The following ESR1 variants were observed in gnomAD, a reference collection of about 807,000 sequenced individuals.
ESR1 encodes estrogen receptor.
In ESR1, 12 loss-of-function variants were observed where a neutral mutation model predicts 52.7. That is an observed-to-expected ratio of 0.23 (90% CI 0.15 to 0.37). ESR1 has a LOEUF of 0.37. Among genes scored for constraint, ESR1 ranks in the 10% least tolerant of loss-of-function variants. The pLI, the probability that ESR1 is intolerant of heterozygous loss-of-function variation, is 1.00. For missense variants in ESR1, 584 were observed against 779.7 expected (o/e 0.75, Z 2.99); for synonymous variants, 305 against 316.8 (o/e 0.96, Z 0.39).
chr6:151,991,240 A>G (rs1008901172), intron 4 of ESR1, among the ~76,000 whole-genome samples: 2 of 152,170 alleles, frequency 1.3e-5, no homozygotes, highest in African/African-American at 2.4e-5. Flanking sequence ...AGGTTTGGAG[A>G]TCTTGAATAG....
chr6:151,749,971 T>TATGTAAGGTGTTAATTGAC (rs1783779482), intron 2 of ESR1, among the ~76,000 whole-genome samples: 1 of 152,200 alleles, frequency 6.6e-6, no homozygotes, highest in Non-Finnish European at 1.5e-5. Context: ...AAATACAATT[T>TATGTAAGGTGTTAATTGAC]ATGTAAGGTG....
intron 4 of ESR1, among the ~76,000 whole-genome samples, chr6:151,987,712 C>T (rs1191131969): frequency 1.3e-5 from 2 of 152,094 alleles, no homozygotes; most frequent in Admixed American, 6.6e-5. Context: ...ATCCGGCTCA[C>T]CAAAGTCTTT....
chr6:151,818,645 C>T (rs1283630400), intron 1 of ESR1, among the ~76,000 whole-genome samples: 2 of 152,108 alleles, frequency 1.3e-5, no homozygotes, highest in Admixed American at 6.6e-5. Context: ...GAAGTTTCCT[C>T]TCAGATGTCT....
intron 3 of ESR1, among the ~76,000 whole-genome samples, chr6:151,916,752 A>G (rs947369954): frequency 6.6e-6 from 1 of 152,200 alleles, no homozygotes; most frequent in East Asian, 1.9e-4. Context: ...GATAAGACAT[A>G]AGTTTGTCAT....
At chr6:151,769,945 T>C (rs1444747309) in intron 2 of ESR1, among the ~76,000 whole-genome samples, 1 of 151,920 alleles carries the variant, frequency 6.6e-6, no homozygotes, top group African/African-American at 2.4e-5. Flanking sequence ...GGAGAATCGC[T>C]TGAATCCGGG....
intron 4 of ESR1, chr6:151,984,250 A>C (rs2040245189): frequency 6.6e-6 from 1 of 152,042 alleles, no homozygotes; most frequent in Non-Finnish European, 1.5e-5. Flanking sequence ...CTGTTGTCTC[A>C]TCAGGTGTTT....
chr6:152,127,048 A>G (rs2053706615), exon 7 of ESR1: 1 of 152,128 alleles, frequency 6.6e-6, no homozygotes, highest in African/African-American at 2.4e-5. Flanking sequence ...TGTTTCCTGG[A>G]TATATGGTTC....
intron 6 of ESR1, among the ~76,000 whole-genome samples, chr6:152,072,403 T>A (rs2048423155): frequency 2.0e-5 from 3 of 152,200 alleles, no homozygotes; most frequent in African/African-American, 7.2e-5. Context: ...TTGTTGTGAG[T>A]GTATCTCTCT....
chr6:151,761,082 C>T (rs569253901), intron 2 of ESR1, among the ~76,000 whole-genome samples: 6 of 151,612 alleles, frequency 4.0e-5, no homozygotes, highest in East Asian at 1.9e-4. Flanking sequence ...AGTGGCTGGG[C>T]GAAGGGTATG....
chr6:151,900,630 G>T (rs1251799048), intron 3 of ESR1, among the ~76,000 whole-genome samples: 4 of 152,190 alleles, frequency 2.6e-5, no homozygotes, highest in Admixed American at 6.5e-5. Context: ...TGTCCCACAG[G>T]TTGTTTTCTT....
At chr6:151,798,824 A>G (rs1448329837) in intron 2 of ESR1, among the ~76,000 whole-genome samples, 1 of 152,234 alleles carries the variant, frequency 6.6e-6, no homozygotes, top group Non-Finnish European at 1.5e-5. Flanking sequence ...TAGAATGTTC[A>G]GTTCAAATTA....
chr6:152,029,189 G>GA (rs1296430917), intron 5 of ESR1, among the ~76,000 whole-genome samples: 1 of 152,148 alleles, frequency 6.6e-6, no homozygotes, highest in Non-Finnish European at 1.5e-5. Flanking sequence ...CAAAGATGGG[G>GA]AAAAAACAGA....
At chr6:151,769,772 T>A (rs1171090846) in intron 2 of ESR1, among the ~76,000 whole-genome samples, 4 of 152,188 alleles carry the variant, frequency 2.6e-5, no homozygotes, top group African/African-American at 9.7e-5. Context: ...CATCAATCGA[T>A]AAGCTTCAGA....
chr6:151,807,713 A>T lies in ESR1; in HGVS notation c.-200A>T. 1 of 648,572 alleles carries T rather than the reference A, an allele frequency of 1.5e-6. No individual in the cohort carries two copies. The highest frequency in any genetic ancestry group is 2.8e-6 in the Non-Finnish European group (1 of 360,990). The allele number at this position is 648,572 out of a possible 1,614,324, so 40.2% of individuals were successfully genotyped here. The stretch of plus-strand genomic sequence containing the variant: ...CGGAGGGCGTTCGTCCTGGGACTGC[A>T]CTTGCTCCCGTCGGGTCGCCCGGCT... On this transcript the variant is annotated 5_prime_UTR_variant, in exon 1 of 8. Transcript: ENST00000206249.
intron 5 of ESR1, among the ~76,000 whole-genome samples, chr6:152,040,523 A>G (rs1038893025): frequency 3.9e-5 from 6 of 152,214 alleles, no homozygotes; most frequent in African/African-American, 1.4e-4. Flanking sequence ...GCTTCTTTCA[A>G]GTCCCTGACC....
chr6:151,659,531 T>C (rs578137898), intron 1 of ESR1, among the ~76,000 whole-genome samples: 104 of 152,362 alleles, frequency 6.8e-4, no homozygotes, highest in African/African-American at 2.4e-3. Flanking sequence ...GAGTTTCTCA[T>C]GGCTAATGAA....
At chr6:151,674,178 C>T (rs1172411246) in intron 1 of ESR1, among the ~76,000 whole-genome samples, 1 of 152,108 alleles carries the variant, frequency 6.6e-6, no homozygotes, top group Non-Finnish European at 1.5e-5. Flanking sequence ...CTCTCCCTCC[C>T]CTTGTCCCCC....
chr6:151,892,331 T>A (rs749091721), intron 3 of ESR1, among the ~76,000 whole-genome samples: 3 of 152,154 alleles, frequency 2.0e-5, no homozygotes, highest in Non-Finnish European at 4.4e-5. Flanking sequence ...GCCGCAGCTA[T>A]CATATTTACA....
At chr6:151,875,915 G>A (rs1000595537) in intron 2 of ESR1, among the ~76,000 whole-genome samples, 2 of 152,112 alleles carry the variant, frequency 1.3e-5, no homozygotes, top group Non-Finnish European at 2.9e-5. Context: ...TCAGGACATT[G>A]AGGCAGGATA....
Sources: gnomAD v4.1 joint callset for allele counts (sites outside exome capture counted in the v4.1 genomes callset) on GRCh38, gnomAD v4.1.1 for gene constraint, MANE v1.5 for transcripts, NCBI Gene and HGNC (gene_info 2026-07-23, HGNC 2026-07-21) for gene names.